Variants in RXFP1 observed in about 807,000 individuals in gnomAD.
The protein encoded by RXFP1 is relaxin family peptide receptor 1.
In RXFP1, 73 loss-of-function variants were observed where a neutral mutation model predicts 89.8. That is an observed-to-expected ratio of 0.81 (90% CI 0.67 to 0.99). RXFP1 has a LOEUF of 0.99. Among genes scored for constraint, RXFP1 ranks in the 50% least tolerant of loss-of-function variants. RXFP1 has a pLI of 0.00. For synonymous variants in RXFP1, 277 were observed against 305.5 expected (o/e 0.91, Z 0.97); for missense variants, 793 against 895.5 (o/e 0.89, Z 1.46).
In RXFP1 at chr4:158,646,944, T is replaced by G; in HGVS notation, c.1499T>G (p.Val500Gly). 1 of 1,614,132 alleles carries G rather than the reference T, an allele frequency of 6.2e-7. No individual in the cohort carries two copies. The highest frequency in any genetic ancestry group is 2.2e-5 in the East Asian group (1 of 44,870). The change falls in exon 16 of 18, where the codon GTT (valine) becomes GGT (glycine). Residue 500 changes from valine (V) to glycine (G), a missense_variant. By Grantham distance (109) the Val-to-Gly change is moderately radical (BLOSUM62 -3). Transcript: ENST00000307765. ...SLAILSTEVS[V>G]LLLTFLTLEK... Reference sequence around the variant, plus strand: ...GCCATTCTGTCCACAGAAGTATCAGTTTTACTGTTAACATTTCTGACATTG... The same window carrying G: ...GCCATTCTGTCCACAGAAGTATCAGGTTTACTGTTAACATTTCTGACATTG...
chr4:158,615,807 C>A (rs1764450999), intron 8 of RXFP1, among the ~76,000 whole-genome samples: 3 of 152,000 alleles, frequency 2.0e-5, no homozygotes, highest in Admixed American at 2.0e-4. Context: ...TTTTAGTTAG[C>A]AGAGCATGGC....
intron 4 of RXFP1, among the ~76,000 whole-genome samples, chr4:158,602,768 T>G (rs1369409497): frequency 1.3e-5 from 2 of 152,212 alleles, no homozygotes; most frequent in African/African-American, 4.8e-5. Context: ...AATTTTTTTT[T>G]TTTGAGACAG....
At chr4:158,625,309 T>A (rs923415143) in intron 9 of RXFP1, among the ~76,000 whole-genome samples, 4 of 152,114 alleles carry the variant, frequency 2.6e-5, no homozygotes, top group African/African-American at 9.7e-5. Flanking sequence ...ATATCCCATG[T>A]AGTACAAAAA....
intron 14 of RXFP1, among the ~76,000 whole-genome samples, chr4:158,643,099 AT>A (rs1350118370): frequency 2.0e-5 from 3 of 152,088 alleles, no homozygotes; most frequent in Admixed American, 2.0e-4. Context: ...CTGCTTCTTT[AT>A]TGTACATGTG....
intron 8 of RXFP1, among the ~76,000 whole-genome samples, chr4:158,616,376 C>T (rs1462587924): frequency 6.6e-6 from 1 of 151,908 alleles, no homozygotes; most frequent in African/African-American, 2.4e-5. Flanking sequence ...TTGCAGTGAG[C>T]CAAGATTGCA....
At position 158,613,411 on chromosome 4, in the gene RXFP1, T is replaced by G. The variant is rs1763935969; in HGVS notation, c.680+1049T>G. ...AAGAGAATTTCTTTCAAAATTGAAGTCAATACTCTCAAATCCTCCCAATGC... is the reference window on the plus strand; with the variant it reads ...AAGAGAATTTCTTTCAAAATTGAAGGCAATACTCTCAAATCCTCCCAATGC... On this transcript the variant is annotated intron_variant, in intron 8 of 17. Transcript: ENST00000307765. Among the ~76,000 whole-genome samples, 3 of 152,254 alleles carry G rather than the reference T, an allele frequency of 2.0e-5. No individual in the cohort carries two copies. In the South Asian group the frequency reaches 6.2e-4, roughly 32 times the overall value.
intron 1 of RXFP1, among the ~76,000 whole-genome samples, chr4:158,529,244 T>TTTTTTTTTTG (rs756051922): frequency 1.8e-5 from 2 of 109,994 alleles, no homozygotes; most frequent in Non-Finnish European, 3.9e-5. Flanking sequence ...TTGCTTGTTT[T>TTTTTTTTTTG]TTGTTGTTGT....
chr4:158,575,774 G>C (rs1200042162), intron 2 of RXFP1, among the ~76,000 whole-genome samples: 1 of 152,216 alleles, frequency 6.6e-6, no homozygotes, highest in African/African-American at 2.4e-5. Context: ...CTTAGTTATA[G>C]TAACTTGACC....
intron 4 of RXFP1, among the ~76,000 whole-genome samples, chr4:158,602,071 A>C (rs1473379895): frequency 6.6e-6 from 1 of 152,204 alleles, no homozygotes; most frequent in African/African-American, 2.4e-5. Context: ...CTCTGTGAAC[A>C]ATCAAAGTTG....
chr4:158,548,862 T>C (rs1749282517), intron 1 of RXFP1, among the ~76,000 whole-genome samples: 1 of 152,186 alleles, frequency 6.6e-6, no homozygotes. Context: ...AACCCGACCT[T>C]TCTCTCTGGC....
At chr4:158,569,943 A>G (rs1754684737) in intron 1 of RXFP1, among the ~76,000 whole-genome samples, 1 of 152,174 alleles carries the variant, frequency 6.6e-6, no homozygotes, top group Non-Finnish European at 1.5e-5. Flanking sequence ...TGCTTTTTGA[A>G]GTATTGATAG....
intron 10 of RXFP1, among the ~76,000 whole-genome samples, chr4:158,628,144 A>C (rs1480826754): frequency 6.6e-6 from 1 of 152,190 alleles, no homozygotes; most frequent in Non-Finnish European, 1.5e-5. Flanking sequence ...AAATGTCAAG[A>C]GTTAAACAGA....
At chr4:158,623,318 G>A (rs1765989022) in intron 9 of RXFP1, among the ~76,000 whole-genome samples, 1 of 145,206 alleles carries the variant, frequency 6.9e-6, no homozygotes, top group African/African-American at 2.6e-5. Context: ...GACTAACACG[G>A]TGAAACCCTG....
chr4:158,586,294 G>C (rs1286601183), intron 2 of RXFP1, among the ~76,000 whole-genome samples: 1 of 152,182 alleles, frequency 6.6e-6, no homozygotes, highest in Non-Finnish European at 1.5e-5. Flanking sequence ...TGCAAGATCA[G>C]ATTTTTCTTA....
At chr4:158,550,407 G>C (rs1263366252) in intron 1 of RXFP1, among the ~76,000 whole-genome samples, 1 of 152,258 alleles carries the variant, frequency 6.6e-6, no homozygotes, top group Non-Finnish European at 1.5e-5. Flanking sequence ...TCCCGTGTGA[G>C]GCAATGCCTC....
rs538072114 is a variant in RXFP1, at chr4:158,646,515, T to C, written c.1346-276T>C. On this transcript the variant is annotated intron_variant, in intron 15 of 17. Coordinates refer to ENST00000307765, the MANE Select transcript of RXFP1 (RefSeq NM_021634.4). ...CTTCTATGTGATGGGTCTAGAACAA[T>C]AGACAAGATCTGTGCTGTTAGAGAC... 23 of 1,271,378 alleles carry C rather than the reference T, an allele frequency of 1.8e-5. No homozygotes were observed. In the South Asian group the frequency reaches 3.0e-4, roughly 16 times the overall value. 78.8% of individuals were successfully genotyped at this position (1,271,378 alleles called of 1,614,324 possible). A position where few individuals can be genotyped will look rare whatever the true frequency, so the allele number is the denominator to read the frequency against.
At chr4:158,599,257 T>A (rs747013295) in intron 3 of RXFP1, 69 bp from the exon 4 acceptor site, 2 of 1,606,228 alleles carry the variant, frequency 1.2e-6, no homozygotes, top group South Asian at 2.2e-5. Flanking sequence ...TTTCATTTCT[T>A]TCTTTTCATT....
intron 2 of RXFP1, among the ~76,000 whole-genome samples, chr4:158,576,763 AAATT>A (rs1756323322): frequency 6.6e-6 from 1 of 152,188 alleles, no homozygotes; most frequent in African/African-American, 2.4e-5. Flanking sequence ...TAGAAAAAAA[AAATT>A]AATTCCGTTC....
At chr4:158,587,711 G>C (rs2150049629) in intron 2 of RXFP1, among the ~76,000 whole-genome samples, 1 of 152,060 alleles carries the variant, frequency 6.6e-6, no homozygotes, top group Admixed American at 6.6e-5. Flanking sequence ...TCTTAGTCAG[G>C]TCACCTAACC....
Sources: gnomAD v4.1 joint callset for allele counts (sites outside exome capture counted in the v4.1 genomes callset) on GRCh38, gnomAD v4.1.1 for gene constraint, MANE v1.5 for transcripts, NCBI Gene and HGNC (gene_info 2026-07-23, HGNC 2026-07-21) for gene names.